SORBS2: variants seen among roughly 807,000 people sequenced by gnomAD.
The protein encoded by SORBS2 is sorbin and SH3 domain containing 2, also known as sorbin and SH3 domain-containing protein 2.
Under a neutral mutation model 97.7 loss-of-function variants are expected in SORBS2, and 46 were observed. The ratio of observed to expected loss-of-function variants is 0.47; its 90% CI spans 0.37 to 0.60. The LOEUF (loss-of-function observed/expected upper bound fraction) is 0.60. Among genes scored for constraint, SORBS2 ranks in the 20% least tolerant of loss-of-function variants. The pLI is 0.00. For missense variants in SORBS2, 1,316 were observed against 1,282.3 expected (o/e 1.03, Z -0.40); for synonymous variants, 476 against 473.4 (o/e 1.01, Z -0.07).
At chr4:185,930,463 A>G (rs903438539) in intron 1 of SORBS2, among the ~76,000 whole-genome samples, 12 of 151,946 alleles carry the variant, frequency 7.9e-5, no homozygotes, top group East Asian at 1.9e-4. Flanking sequence ...ACGCCCGGCT[A>G]ATTTTTTGTA....
At chr4:185,795,323 C>T (rs28524677) in intron 1 of SORBS2, among the ~76,000 whole-genome samples, 12,544 of 152,206 alleles carry the variant, frequency 0.082, 536 homozygotes, top group South Asian at 0.13. Flanking sequence ...GGGGCAGCTT[C>T]GGCAATTCCT....
At chr4:185,685,046 G>T (rs1166749564) in intron 2 of SORBS2, among the ~76,000 whole-genome samples, 200 bp from the exon 5 acceptor site, 1 of 152,156 alleles carries the variant, frequency 6.6e-6, no homozygotes, top group African/African-American at 2.4e-5. Flanking sequence ...GAAGACCAGG[G>T]ATCTGTCTTA....
chr4:185,778,112 A>C (rs528336682), intron 1 of SORBS2, among the ~76,000 whole-genome samples: 67 of 152,188 alleles, frequency 4.4e-4, no homozygotes, highest in Non-Finnish European at 7.8e-4. Flanking sequence ...AATTAATTTC[A>C]CTTGTTTCTT....
At chr4:185,927,983 G>A (rs892170980) in intron 1 of SORBS2, among the ~76,000 whole-genome samples, 6 of 152,010 alleles carry the variant, frequency 3.9e-5, no homozygotes, top group African/African-American at 1.5e-4. Context: ...TACTCATATT[G>A]CTGGTTTGTT....
At chr4:185,869,815 C>A (rs962849595) in intron 1 of SORBS2, among the ~76,000 whole-genome samples, 2 of 152,158 alleles carry the variant, frequency 1.3e-5, no homozygotes, top group Admixed American at 6.5e-5. Context: ...TTTGACTCTG[C>A]AGATTTAGCA....
intron 2 of SORBS2, among the ~76,000 whole-genome samples, chr4:185,737,723 C>G (rs1260799287): frequency 6.6e-6 from 1 of 152,190 alleles, no homozygotes; most frequent in African/African-American, 2.4e-5. Flanking sequence ...CAAGGACTTT[C>G]CCATTGACCA....
intron 12 of SORBS2, among the ~76,000 whole-genome samples, chr4:185,603,292 A>G (rs528777729): frequency 6.6e-6 from 1 of 152,270 alleles, no homozygotes; most frequent in Non-Finnish European, 1.5e-5. Context: ...TAAAAATAAA[A>G]CCACAGACAG....
At chr4:185,746,007 G>A (rs1006495194) in intron 2 of SORBS2, among the ~76,000 whole-genome samples, 1 of 152,208 alleles carries the variant, frequency 6.6e-6, no homozygotes, top group African/African-American at 2.4e-5. Flanking sequence ...CTACAGAAAA[G>A]GAAGCAGCAG....
intron 1 of SORBS2, among the ~76,000 whole-genome samples, chr4:185,857,276 T>C (rs1315434761): frequency 2.0e-5 from 3 of 152,176 alleles, no homozygotes; most frequent in Admixed American, 6.5e-5. Flanking sequence ...TATCTGAACA[T>C]AAATTGTGAA....
intron 1 of SORBS2, among the ~76,000 whole-genome samples, chr4:185,822,417 G>A (rs767457994): frequency 3.3e-5 from 5 of 152,206 alleles, no homozygotes; most frequent in African/African-American, 1.2e-4. Flanking sequence ...GCACAGCAGC[G>A]CTTCTGAAGT....
chr4:185,587,447 T>C (rs2095813557), exon 15 of SORBS2: 2 of 606,932 alleles, frequency 3.3e-6, no homozygotes, highest in African/African-American at 1.8e-5. Context: ...CAGCCTGCCA[T>C]GTCGTCCCCA....
chr4:185,692,085 A>G (rs1317021822), intron 2 of SORBS2, among the ~76,000 whole-genome samples: 1 of 152,200 alleles, frequency 6.6e-6, no homozygotes, highest in Non-Finnish European at 1.5e-5. Context: ...ATATTCTCTT[A>G]GCCCATTTAT....
rs554581903 is a variant in SORBS2 at position 185,765,743 on chromosome 4, G to C, written c.-198+9484C>G. ...ATATATTTTGAATGTAGACAAGTAG[G>C]CATCATCAATTTTTTTACCACAGAA... is the stretch of plus-strand genomic sequence containing the variant. On this transcript the variant is annotated intron_variant, in intron 2 of 20. Coordinates refer to the SORBS2 transcript ENST00000284776. Among the ~76,000 whole-genome samples, 5 of 152,212 alleles carry C rather than the reference G, an allele frequency of 3.3e-5. No individual in the cohort carries two copies. The East Asian group carries it at 5.8e-4, about 18-fold the overall frequency.
intron 1 of SORBS2, among the ~76,000 whole-genome samples, chr4:185,854,844 G>A (rs951035844): frequency 6.6e-5 from 10 of 152,080 alleles, no homozygotes; most frequent in Admixed American, 6.5e-5. Context: ...GAGAGAGAAC[G>A]TGCTAGTCCC....
intron 1 of SORBS2, among the ~76,000 whole-genome samples, chr4:185,947,007 A>G (rs1418396185): frequency 1.3e-5 from 2 of 152,158 alleles, no homozygotes; most frequent in Non-Finnish European, 2.9e-5. Flanking sequence ...ACCTCCTCCC[A>G]TCAATTTCTA....
intron 1 of SORBS2, among the ~76,000 whole-genome samples, chr4:185,928,258 T>C (rs2099264698): frequency 6.6e-6 from 1 of 151,902 alleles, no homozygotes; most frequent in Non-Finnish European, 1.5e-5. Flanking sequence ...ATAAAAATTA[T>C]TTGGGAGTGG....
chr4:185,735,715 T>A (rs572450417), intron 2 of SORBS2, among the ~76,000 whole-genome samples: 1 of 152,180 alleles, frequency 6.6e-6, no homozygotes, highest in Non-Finnish European at 1.5e-5. Context: ...TGTATGTGTG[T>A]GTGTGGGTGC....
intron 1 of SORBS2, among the ~76,000 whole-genome samples, chr4:185,879,720 T>C (rs1029349014): frequency 6.6e-6 from 1 of 152,190 alleles, no homozygotes; most frequent in Admixed American, 6.5e-5. Context: ...TTCTAACAGG[T>C]GTGAGATGGT....
At chr4:185,594,444 T>C (rs2096035161) in intron 12 of SORBS2, among the ~76,000 whole-genome samples, 1 of 152,228 alleles carries the variant, frequency 6.6e-6, no homozygotes, top group Non-Finnish European at 1.5e-5. Flanking sequence ...AGACATCCCA[T>C]GCTACATTTG....
Sources: gnomAD v4.1 joint callset for allele counts (sites outside exome capture counted in the v4.1 genomes callset) on GRCh38, gnomAD v4.1.1 for gene constraint, MANE v1.5 for transcripts, NCBI Gene and HGNC (gene_info 2026-07-23, HGNC 2026-07-21) for gene names.